DLG2: variants seen among roughly 807,000 people sequenced by gnomAD.
The protein encoded by DLG2 is discs large MAGUK scaffold protein 2, also known as disks large homolog 2.
DLG2 carries 45 observed loss-of-function variants against 132.5 expected under a neutral mutation model. The ratio of observed to expected loss-of-function variants is 0.34; its 90% confidence interval spans 0.27 to 0.44. The LOEUF is 0.44. Ranked by LOEUF, DLG2 falls within the 20% of genes least tolerant of loss-of-function variation. The probability of loss-of-function intolerance (pLI) is 1.00; values close to 1 mark genes in which losing one functional copy is unlikely to be tolerated. For synonymous variants in DLG2, 424 were observed against 419.6 expected, an observed-to-expected ratio of 1.01 and a Z score of -0.13; for missense variants, 1,045 against 1,196.9, an observed-to-expected ratio of 0.87 and a Z score of 1.87.
chr11:83,480,924 A>G (rs2093052114), intron 22 of DLG2, among the ~76,000 whole-genome samples: 1 of 152,122 alleles, frequency 6.6e-6, no homozygotes, highest in African/African-American at 2.4e-5. Context: ...TTCTATTTAA[A>G]TAGTTCCTAA....
chr11:85,487,039 G>T (rs1215116776), intron 3 of DLG2, among the ~76,000 whole-genome samples: 1 of 144,748 alleles, frequency 6.9e-6, no homozygotes, highest in Non-Finnish European at 1.5e-5. Flanking sequence ...CCTGTGTGCT[G>T]ATTAAAAAAA....
chr11:84,266,650 A>G (rs2097640859), intron 7 of DLG2, among the ~76,000 whole-genome samples: 1 of 152,226 alleles, frequency 6.6e-6, no homozygotes, highest in South Asian at 2.1e-4. Context: ...ATGAACTGGG[A>G]CTGAAAGTCA....
intron 3 of DLG2, among the ~76,000 whole-genome samples, chr11:85,385,062 G>A (rs964752454): frequency 6.6e-6 from 1 of 152,134 alleles, no homozygotes; most frequent in Non-Finnish European, 1.5e-5. Flanking sequence ...CCTACTTACA[G>A]TGGCTTAATG....
At chr11:83,886,524 C>A (rs567683491) in intron 15 of DLG2, among the ~76,000 whole-genome samples, 1 of 152,270 alleles carries the variant, frequency 6.6e-6, no homozygotes, top group East Asian at 1.9e-4. Flanking sequence ...CCACTGTCAA[C>A]AATAGACAGA....
intron 6 of DLG2, among the ~76,000 whole-genome samples, chr11:84,637,610 G>A (rs1339951832): frequency 6.6e-6 from 1 of 152,234 alleles, no homozygotes; most frequent in Non-Finnish European, 1.5e-5. Context: ...GAGGGAGAAA[G>A]ATTACTTCAT....
intron 11 of DLG2, among the ~76,000 whole-genome samples, chr11:83,984,045 G>A (rs1982733): frequency 0.12 from 18,464 of 151,898 alleles, 1,598 homozygotes; most frequent in East Asian, 0.31. Context: ...TAAATGCCAC[G>A]GTCTTAGCTA....
chr11:84,097,446 C>T (rs1351727860), intron 10 of DLG2, among the ~76,000 whole-genome samples: 1 of 152,158 alleles, frequency 6.6e-6, no homozygotes, highest in East Asian at 1.9e-4. Context: ...AGTAATTTTC[C>T]ATGCACTAAC....
At chr11:84,056,157 TC>T (rs1439982212) in intron 11 of DLG2, among the ~76,000 whole-genome samples, 3 of 152,044 alleles carry the variant, frequency 2.0e-5, no homozygotes, top group Non-Finnish European at 4.4e-5. Context: ...GCTGCACCTA[TC>T]AACCCATCAT....
chr11:85,076,590 G>C (rs1205047594), intron 6 of DLG2, among the ~76,000 whole-genome samples: 1 of 151,936 alleles, frequency 6.6e-6, no homozygotes, highest in Non-Finnish European at 1.5e-5. Flanking sequence ...TTCCAAATGT[G>C]GTCCTCCTCA....
At chr11:84,732,991 T>C (rs1344941872) in intron 6 of DLG2, among the ~76,000 whole-genome samples, 2 of 152,192 alleles carry the variant, frequency 1.3e-5, no homozygotes, top group Non-Finnish European at 2.9e-5. Context: ...TATGGCTGCA[T>C]AGTATTCCAT....
At chr11:83,677,986 C>G (rs985654384) in intron 18 of DLG2, among the ~76,000 whole-genome samples, 1 of 152,150 alleles carries the variant, frequency 6.6e-6, no homozygotes, top group Non-Finnish European at 1.5e-5. Context: ...GTCCTCAGCT[C>G]TAAGTGTTAC....
At chr11:85,098,617 C>T (rs2070316500) in intron 6 of DLG2, among the ~76,000 whole-genome samples, 2 of 152,086 alleles carry the variant, frequency 1.3e-5, no homozygotes, top group Admixed American at 1.3e-4. Context: ...ATTGCAGAAA[C>T]AAACTGACTC....
chr11:85,289,996 G>A lies in DLG2; in HGVS notation c.41-4631C>T, dbSNP rs1178019836. Among the ~76,000 whole-genome samples, 7 of 152,208 alleles carry A rather than the reference G, an allele frequency of 4.6e-5. No individual in the cohort carries two copies. In the East Asian group the frequency reaches 1.2e-3, roughly 25 times the overall value. On this transcript the variant is annotated intron_variant, in intron 3 of 27. Transcript: ENST00000376104. ...TTTAAGCGCTATGCAAGGCCCTTAGGAATGAAGACAATGTTCTATCCAGCC... is the reference window on the plus strand; with the variant it reads ...TTTAAGCGCTATGCAAGGCCCTTAGAAATGAAGACAATGTTCTATCCAGCC...
chr11:83,520,444 G>T (rs1294974953), intron 21 of DLG2, among the ~76,000 whole-genome samples: 1 of 152,132 alleles, frequency 6.6e-6, no homozygotes, highest in African/African-American at 2.4e-5. Flanking sequence ...GATTTCAAGT[G>T]CACAGAAAGG....
At chr11:84,285,481 T>G (rs2097900760) in intron 7 of DLG2, among the ~76,000 whole-genome samples, 2 of 152,188 alleles carry the variant, frequency 1.3e-5, no homozygotes, top group Admixed American at 1.3e-4. Flanking sequence ...TGCCAGTTCT[T>G]CTGCCTCAAA....
At chr11:84,366,478 G>A (rs2098683236) in intron 7 of DLG2, among the ~76,000 whole-genome samples, 1 of 152,018 alleles carries the variant, frequency 6.6e-6, no homozygotes, top group African/African-American at 2.4e-5. Flanking sequence ...AACTTAAAAT[G>A]TAAATGGACT....
chr11:83,489,995 C>G (rs1230959565), intron 21 of DLG2, among the ~76,000 whole-genome samples: 2 of 151,968 alleles, frequency 1.3e-5, no homozygotes, highest in Non-Finnish European at 2.9e-5. Context: ...TTTATTTCTT[C>G]TCTATCCATT....
chr11:84,675,612 G>A (rs1032930174), intron 6 of DLG2, among the ~76,000 whole-genome samples: 6 of 151,978 alleles, frequency 3.9e-5, no homozygotes, highest in Non-Finnish European at 8.8e-5. Context: ...CATAGCACTC[G>A]TTGCCTGACA....
At chr11:84,473,242 T>C (rs2099113192) in intron 7 of DLG2, among the ~76,000 whole-genome samples, 1 of 152,068 alleles carries the variant, frequency 6.6e-6, no homozygotes, top group African/African-American at 2.4e-5. Context: ...GTGGCTCTGG[T>C]GAATCCTTGT....
Sources: allele counts gnomAD v4.1 joint callset (sites outside exome capture counted in the v4.1 genomes callset), GRCh38; gene constraint gnomAD v4.1.1; transcripts MANE v1.5; gene names NCBI Gene and HGNC (gene_info 2026-07-23, HGNC 2026-07-21).